The following RIMBP2 variants were observed in gnomAD, a reference collection of about 807,000 sequenced individuals.
The protein encoded by RIMBP2 is RIMS-binding protein 2.
In RIMBP2, 48 loss-of-function variants were observed where a neutral mutation model predicts 118.6. The ratio of observed to expected loss-of-function variants is 0.40; its 90% CI spans 0.32 to 0.51. RIMBP2 has a LOEUF of 0.51. Among genes scored for constraint, RIMBP2 ranks in the 20% least tolerant of loss-of-function variants. The pLI, the probability that RIMBP2 is intolerant of heterozygous loss-of-function variation, is 0.41. For missense variants in RIMBP2, 1,551 were observed against 1,768.3 expected (o/e 0.88, Z 2.20); for synonymous variants, 762 against 742.9 (o/e 1.03, Z -0.42).
intron 2 of RIMBP2, among the ~76,000 whole-genome samples, chr12:130,566,395 G>A (rs1029371892): frequency 2.0e-5 from 3 of 152,176 alleles, no homozygotes; most frequent in African/African-American, 7.2e-5. Context: ...CTTGATTATG[G>A]GCTAAACTTA....
intron 2 of RIMBP2, among the ~76,000 whole-genome samples, chr12:130,596,510 A>G (rs1279726367): frequency 1.3e-5 from 2 of 152,182 alleles, no homozygotes; most frequent in Non-Finnish European, 2.9e-5. Context: ...CATCACCCAT[A>G]GTTAGTAACA....
At chr12:130,436,795 G>A in intron 13 of RIMBP2, 47 bp downstream of exon 13, 1 of 1,334,690 alleles carries the variant, frequency 7.5e-7, no homozygotes, top group Non-Finnish European at 9.7e-7. Flanking sequence ...CCCGTCCCGT[G>A]GGGTTTGGGG....
chr12:130,484,295 C>T (rs1284779489), intron 4 of RIMBP2, among the ~76,000 whole-genome samples: 1 of 152,198 alleles, frequency 6.6e-6, no homozygotes, highest in Non-Finnish European at 1.5e-5. Flanking sequence ...CTGTAACACC[C>T]TGGCTTTCGC....
At chr12:130,605,421 C>A (rs1318654081) in intron 2 of RIMBP2, among the ~76,000 whole-genome samples, 1 of 152,122 alleles carries the variant, frequency 6.6e-6, no homozygotes, top group Non-Finnish European at 1.5e-5. Context: ...GTGGCTGGAT[C>A]TGGGTGCAAT....
chr12:130,477,710 G>A (rs1566108659), intron 5 of RIMBP2, among the ~76,000 whole-genome samples: 1 of 152,214 alleles, frequency 6.6e-6, no homozygotes. Context: ...AACTCTGGAG[G>A]AGAAACGCTG....
chr12:130,586,227 G>T (rs1316711372), intron 2 of RIMBP2, among the ~76,000 whole-genome samples: 1 of 152,158 alleles, frequency 6.6e-6, no homozygotes, highest in Non-Finnish European at 1.5e-5. Context: ...GACCAAGGTG[G>T]GTGGATCACG....
At chr12:130,560,123 C>T (rs2056699015) in intron 2 of RIMBP2, among the ~76,000 whole-genome samples, 1 of 152,208 alleles carries the variant, frequency 6.6e-6, no homozygotes, top group South Asian at 2.1e-4. Context: ...AATGACAACT[C>T]TCCCAGACGG....
intron 2 of RIMBP2, among the ~76,000 whole-genome samples, chr12:130,555,285 G>A (rs1034803837): frequency 6.6e-6 from 1 of 152,156 alleles, no homozygotes; most frequent in African/African-American, 2.4e-5. Context: ...AGGAAAAAAT[G>A]GTAAATTTAA....
chr12:130,417,129 T>C (rs1048685616), intron 17 of RIMBP2, among the ~76,000 whole-genome samples: 3 of 152,130 alleles, frequency 2.0e-5, no homozygotes, highest in African/African-American at 4.8e-5. Context: ...CTTAAAAATG[T>C]ATATACCATT....
chr12:130,544,596 CTTT>C lies in RIMBP2; in HGVS notation c.-216-26682_-216-26680del, dbSNP rs35041449. Among the ~76,000 whole-genome samples the C allele has an allele frequency of 4.9e-4, 49 of 100,508 alleles. No individual in the cohort carries two copies. The South Asian group carries it at 0.015, about 31-fold the overall frequency. 65.9% of individuals were successfully genotyped at this position (100,508 alleles called of 152,430 possible). ...TTTAGATCCAGATGTAACTGGAGGC[CTTT>C]TTTTTTTTTTTTTTTTTTGAGATGG... is the stretch of plus-strand genomic sequence containing the variant. On this transcript the variant is annotated intron_variant, in intron 2 of 22. Transcript: ENST00000690449.
rs138615025 is a variant in RIMBP2, at chr12:130,546,183, A to G, written c.-216-28266T>C. On this transcript the variant is annotated intron_variant, in intron 2 of 22. Transcript: ENST00000690449. ...CAGTGGCGCAATCTTGGCTCACTGC[A>G]ACCTCTGCCTCCCAGGTTCAAGTGA... is the stretch of plus-strand genomic sequence containing the variant. Among the ~76,000 whole-genome samples, 312 of 143,200 alleles carry G rather than the reference A, an allele frequency of 2.2e-3. 1 individual carries two copies. Among genetic ancestry groups the G allele is most frequent in the African/African-American group, 7.8e-3 (303 of 38,648 alleles). 93.9% of individuals were successfully genotyped at this position (143,200 alleles called of 152,430 possible).
chr12:130,610,466 C>CAAAA (rs1212679907), intron 2 of RIMBP2, among the ~76,000 whole-genome samples: 2 of 146,954 alleles, frequency 1.4e-5, no homozygotes, highest in Non-Finnish European at 3.0e-5. Context: ...TAAATAAAAA[C>CAAAA]AAAAGGATAA....
rs373741610 is a variant in RIMBP2, at chr12:130,450,582, C to T, written c.505-306G>A. Among the ~76,000 whole-genome samples, 5 of 151,968 alleles carry T rather than the reference C, an allele frequency of 3.3e-5. No individual in the cohort carries two copies. Among genetic ancestry groups the T allele is most frequent in the African/African-American group, 9.7e-5 (4 of 41,362 alleles). On this transcript the variant is annotated intron_variant, in intron 8 of 22. Coordinates refer to ENST00000690449, the MANE Select transcript of RIMBP2 (RefSeq NM_001393629.1). This position sits in a 1 kb window ranked among gnomAD's most constrained non-coding sequence, Gnocchi z 4.8. ...CTCCTACAGCAATCCCGGGAGTCAG[C>T]GGCGTGGCCTTTTCTCATAGGGGTG... is the stretch of plus-strand genomic sequence containing the variant.
chr12:130,547,909 T>C (rs527644851), intron 2 of RIMBP2, among the ~76,000 whole-genome samples: 1 of 152,330 alleles, frequency 6.6e-6, no homozygotes, highest in East Asian at 1.9e-4. Context: ...AAAGGCCTAA[T>C]CTCTCTCTTT....
At chr12:130,506,848 A>G in intron 3 of RIMBP2, 78 bp from the exon 4 acceptor site, 1 of 957,272 alleles carries the variant, frequency 1.0e-6, no homozygotes, top group Non-Finnish European at 1.2e-6. Context: ...CCTCTTTAGG[A>G]GCAAAATCTT....
At chr12:130,445,316 G>T in intron 9 of RIMBP2, 47 bp from the exon 10 acceptor site, 1 of 1,390,052 alleles carries the variant, frequency 7.2e-7, no homozygotes, top group Non-Finnish European at 1.0e-6. Flanking sequence ...GGAGGACACA[G>T]CCCGCACCCC....
At chr12:130,619,808 G>A (rs143359472) in intron 2 of RIMBP2, among the ~76,000 whole-genome samples, 23 of 152,244 alleles carry the variant, frequency 1.5e-4, no homozygotes, top group Middle Eastern at 3.4e-3. Flanking sequence ...ATCTATCAGC[G>A]GCAAATGCTT....
At chr12:130,418,526 G>C (rs2076232591) in intron 17 of RIMBP2, among the ~76,000 whole-genome samples, 1 of 152,184 alleles carries the variant, frequency 6.6e-6, no homozygotes, top group South Asian at 2.1e-4. Flanking sequence ...GACCATGTCA[G>C]TGTGATCTAG....
chr12:130,640,076 A>G (rs1295590314), intron 1 of RIMBP2, among the ~76,000 whole-genome samples: 2 of 152,124 alleles, frequency 1.3e-5, no homozygotes, highest in African/African-American at 2.4e-5. Context: ...TCATGCCTGT[A>G]CACTCCGCCC....
Sources: gnomAD v4.1 joint callset for allele counts (sites outside exome capture counted in the v4.1 genomes callset) on GRCh38, gnomAD v4.1.1 for gene constraint, Gnocchi (gnomAD v3.1) non-coding constraint, MANE v1.5 for transcripts, NCBI Gene and HGNC (gene_info 2026-07-23, HGNC 2026-07-21) for gene names.